The following DENND1A variants were observed in gnomAD, a reference collection of about 807,000 sequenced individuals.
DENND1A encodes DENN domain-containing protein 1A.
A neutral mutation model predicts 113.7 loss-of-function variants in DENND1A; 51 were observed. That is an observed-to-expected ratio of 0.45 (90% CI 0.36 to 0.57). The LOEUF (loss-of-function observed/expected upper bound fraction) is 0.57, where lower values mean the gene tolerates loss of function less well. Ranked by LOEUF, DENND1A falls within the 20% of genes least tolerant of loss-of-function variation. The pLI, the probability that DENND1A is intolerant of heterozygous loss-of-function variation, is 0.00. For synonymous variants in DENND1A, 565 were observed against 570.8 expected (o/e 0.99, Z 0.14); for missense variants, 1,258 against 1,395.9 (o/e 0.90, Z 1.57).
chr9:123,590,773 T>C (rs1195594554), intron 11 of DENND1A, among the ~76,000 whole-genome samples: 1 of 152,226 alleles, frequency 6.6e-6, no homozygotes, highest in African/African-American at 2.4e-5. Context: ...TTGAACCATA[T>C]ACTTTAAGTG....
intron 5 of DENND1A, among the ~76,000 whole-genome samples, chr9:123,705,357 A>G (rs1349390958): frequency 6.6e-6 from 1 of 152,196 alleles, no homozygotes; most frequent in African/African-American, 2.4e-5. Flanking sequence ...TGGACAAGAA[A>G]AGGAAATAAA....
In DENND1A at chr9:123,750,561, A is replaced by G. The variant is rs78924016; in HGVS notation, c.302+7142T>C. On this transcript the variant is annotated intron_variant, in intron 5 of 23. Coordinates refer to ENST00000394215, the MANE Select transcript of DENND1A (RefSeq NM_001352964.2). Reference sequence around the variant, plus strand: ...AGACCCACAGTCGGTGAAATTATCAATCTGCCTTAGCAGTGGGGCCTTCTG... The same window carrying G: ...AGACCCACAGTCGGTGAAATTATCAGTCTGCCTTAGCAGTGGGGCCTTCTG... 5.0e-4 allele frequency among the ~76,000 whole-genome samples: 76 copies of G among 152,364 alleles called. 1 individual carries two copies. Among genetic ancestry groups the G allele is most frequent in the African/African-American group, 1.8e-3 (75 of 41,592 alleles).
chr9:123,810,431 G>C (rs1309774354), intron 2 of DENND1A, among the ~76,000 whole-genome samples: 1 of 151,478 alleles, frequency 6.6e-6, no homozygotes, highest in East Asian at 1.9e-4. Flanking sequence ...GAAAGAAAAG[G>C]CCAGGAATGG....
chr9:123,516,884 CAAAAAAAAA>C (rs546001517), intron 13 of DENND1A, among the ~76,000 whole-genome samples: 6 of 93,384 alleles, frequency 6.4e-5, no homozygotes, highest in African/African-American at 1.2e-4. Flanking sequence ...GACTCTGTCT[CAAAAAAAAA>C]AAAAAAAAAA....
At chr9:123,721,105 A>G (rs1166616067) in intron 5 of DENND1A, among the ~76,000 whole-genome samples, 1 of 152,126 alleles carries the variant, frequency 6.6e-6, no homozygotes, top group African/African-American at 2.4e-5. Flanking sequence ...GCAGATCCCC[A>G]CAACTTCTCA....
chr9:123,381,804 G>A lies in DENND1A; in HGVS notation c.2841C>T (p.Asn947=), dbSNP rs766698265. The change falls in exon 24 of 24, where the codon AAC becomes AAT. Residue 947 remains asparagine, a synonymous_variant. Transcript: ENST00000394215. This position sits in a 1 kb window ranked among gnomAD's most constrained non-coding sequence, Gnocchi z 4.7. ...GFCAPHRSQP[N]LSALSMPNLF... is the part of the protein sequence containing the mutation. ...GGTTGGGCATGGAGAGGGCGGAGAG[G>A]TTGGGCTGAGACCTGTGAGGGGCAC... is the stretch of plus-strand genomic sequence containing the variant. 2.0e-6 allele frequency: 3 copies of A among 1,516,634 alleles called. No individual in the cohort carries two copies. The African/African-American group carries it at 4.2e-5, about 21-fold the overall frequency. 93.9% of individuals were successfully genotyped at this position (1,516,634 alleles called of 1,614,324 possible).
rs1260384058 is a variant in DENND1A, at chr9:123,381,744, G to A, written c.2901C>T (p.Ser967=). 5 of 1,515,318 alleles carry A rather than the reference G, an allele frequency of 3.3e-6. No individual in the cohort carries two copies. The highest frequency in any genetic ancestry group is 4.4e-6 in the Non-Finnish European group (5 of 1,131,804). 93.9% of individuals were successfully genotyped at this position (1,515,318 alleles called of 1,614,324 possible). The change falls in exon 24 of 24, where the codon AGC becomes AGT. Residue 967 remains serine, a synonymous_variant. Transcript: ENST00000394215. This position sits in a 1 kb window ranked among gnomAD's most constrained non-coding sequence, Gnocchi z 4.7. ...FGQMPMGTHT[S]PLQPLGPPAV... is the part of the protein sequence containing the mutation. ...CTGGGGGACCCAGCGGCTGTAGGGGGCTCGTGTGGGTGCCCATGGGCATCT... is the reference window on the plus strand; with the variant it reads ...CTGGGGGACCCAGCGGCTGTAGGGGACTCGTGTGGGTGCCCATGGGCATCT...
At chr9:123,445,776 A>G (rs1159260581) in intron 18 of DENND1A, among the ~76,000 whole-genome samples, 1 of 152,212 alleles carries the variant, frequency 6.6e-6, no homozygotes, top group Non-Finnish European at 1.5e-5. Context: ...CTGAAGCAGG[A>G]GAATCACTTG....
intron 19 of DENND1A, among the ~76,000 whole-genome samples, chr9:123,433,422 A>AT (rs2046287695): frequency 6.6e-6 from 1 of 152,192 alleles, no homozygotes; most frequent in Admixed American, 6.5e-5. Context: ...TGGATCTTAT[A>AT]TATGTGTGAG....
At chr9:123,892,007 C>T (rs1024892983) in intron 1 of DENND1A, among the ~76,000 whole-genome samples, 7 of 152,154 alleles carry the variant, frequency 4.6e-5, no homozygotes, top group African/African-American at 1.2e-4. Context: ...CAGAGCTAAG[C>T]GTCCAGGGAA....
intron 12 of DENND1A, among the ~76,000 whole-genome samples, chr9:123,581,945 C>T (rs984204803): frequency 3.9e-5 from 6 of 152,200 alleles, no homozygotes; most frequent in African/African-American, 1.4e-4. Flanking sequence ...AATGGGTCTA[C>T]CTCACACAGC....
At chr9:123,649,890 G>C (rs1411083804) in intron 9 of DENND1A, among the ~76,000 whole-genome samples, 1 of 152,164 alleles carries the variant, frequency 6.6e-6, no homozygotes, top group Non-Finnish European at 1.5e-5. Flanking sequence ...CTATAAGATG[G>C]AAGTAATTAC....
chr9:123,541,517 G>A (rs984215714), intron 13 of DENND1A, among the ~76,000 whole-genome samples: 4 of 152,234 alleles, frequency 2.6e-5, no homozygotes, highest in Non-Finnish European at 5.9e-5. Context: ...ATTCCTCGCA[G>A]TAGGAATATG....
chr9:123,896,789 T>G (rs1364189433), intron 1 of DENND1A, among the ~76,000 whole-genome samples: 1 of 151,924 alleles, frequency 6.6e-6, no homozygotes, highest in Non-Finnish European at 1.5e-5. Flanking sequence ...TTCATGAACT[T>G]AAAGAAATGA....
intron 5 of DENND1A, among the ~76,000 whole-genome samples, chr9:123,713,423 G>C (rs1176101785): frequency 6.6e-6 from 1 of 152,154 alleles, no homozygotes; most frequent in Non-Finnish European, 1.5e-5. Context: ...TGGCAGATAA[G>C]AGATTTCACT....
intron 5 of DENND1A, among the ~76,000 whole-genome samples, chr9:123,679,356 C>T (rs1319507041): frequency 6.6e-6 from 1 of 152,174 alleles, no homozygotes; most frequent in Non-Finnish European, 1.5e-5. Context: ...TGGGAAGGAG[C>T]TCCTAGCCTA....
At chr9:123,742,908 C>A (rs1484313892) in intron 5 of DENND1A, among the ~76,000 whole-genome samples, 1 of 152,190 alleles carries the variant, frequency 6.6e-6, no homozygotes, top group Non-Finnish European at 1.5e-5. Context: ...ACTCCTTTAA[C>A]ATCTCTGAAA....
At chr9:123,912,755 T>A (rs78570337) in intron 1 of DENND1A, among the ~76,000 whole-genome samples, 2 of 152,184 alleles carry the variant, frequency 1.3e-5, no homozygotes, top group South Asian at 4.1e-4. Flanking sequence ...AGTAACGAGG[T>A]TCCCCTTTCC....
At position 123,522,104 on chromosome 9, in the gene DENND1A, A is replaced by G. The variant is rs540408458; in HGVS notation, c.993+35466T>C. ...TGGTTGGCTTTAAAAAGATGACTAA[A>G]TTGCCCAACAATGGCAAATATATAT... On this transcript the variant is annotated intron_variant, in intron 13 of 23. Coordinates refer to ENST00000394215, the MANE Select transcript of DENND1A (RefSeq NM_001352964.2). Among the ~76,000 whole-genome samples the G allele has an allele frequency of 5.9e-5, 9 of 152,302 alleles. No homozygotes were observed. The East Asian group carries it at 1.3e-3, about 23-fold the overall frequency.
Sources: gnomAD v4.1 joint callset for allele counts (sites outside exome capture counted in the v4.1 genomes callset) on GRCh38, gnomAD v4.1.1 for gene constraint, Gnocchi (gnomAD v3.1) non-coding constraint, MANE v1.5 for transcripts, NCBI Gene and HGNC (gene_info 2026-07-23, HGNC 2026-07-21) for gene names.